Variants in NAV2 observed in about 807,000 individuals in gnomAD.
NAV2 encodes the protein helicase, APC down-regulated 1.
NAV2 carries 54 observed loss-of-function variants against 223.2 expected under a neutral mutation model. That is an observed-to-expected ratio of 0.24 (90% CI 0.19 to 0.30). The LOEUF is 0.30. Ranked by LOEUF, NAV2 falls within the 10% of genes least tolerant of loss-of-function variation. The probability of loss-of-function intolerance (pLI) is 1.00; values close to 1 mark genes in which losing one functional copy is unlikely to be tolerated. For missense variants in NAV2, 2,806 were observed against 3,147.5 expected, an observed-to-expected ratio of 0.89 and a Z score of 2.60; for synonymous variants, 1,279 against 1,239.3, an observed-to-expected ratio of 1.03 and a Z score of -0.67.
intron 26 of NAV2, among the ~76,000 whole-genome samples, chr11:20,087,150 T>A (rs1372345709): frequency 6.6e-6 from 1 of 152,086 alleles, no homozygotes; most frequent in Non-Finnish European, 1.5e-5. Flanking sequence ...GAGGAGAAAC[T>A]GTTGCTGGAG....
intron 8 of NAV2, among the ~76,000 whole-genome samples, chr11:19,945,970 G>T (rs188536860): frequency 4.6e-5 from 7 of 152,330 alleles, no homozygotes; most frequent in Non-Finnish European, 8.8e-5. Context: ...GCTACTGCAA[G>T]CTATGCTTGC....
chr11:19,796,940 T>A (rs762552661), intron 1 of NAV2, among the ~76,000 whole-genome samples: 17 of 152,290 alleles, frequency 1.1e-4, no homozygotes, highest in Middle Eastern at 6.8e-3. Flanking sequence ...ACTTTCCTTC[T>A]TCTCCATCCC....
intron 33 of NAV2, 90 bp downstream of exon 33, chr11:20,103,499 G>A: frequency 1.3e-6 from 2 of 1,532,058 alleles, no homozygotes; most frequent in Non-Finnish European, 1.8e-6. Flanking sequence ...CGGGGCCGTT[G>A]TGGGAGTGAA....
At chr11:20,077,190 C>T (rs1456161460) in intron 22 of NAV2, among the ~76,000 whole-genome samples, 2 of 152,066 alleles carry the variant, frequency 1.3e-5, no homozygotes, top group Non-Finnish European at 2.9e-5. Flanking sequence ...ATCAGAAGTA[C>T]AGTTTGCTTG....
chr11:19,777,417 T>A (rs2152648982), intron 1 of NAV2: 1 of 442,104 alleles, frequency 2.3e-6, no homozygotes, highest in Non-Finnish European at 4.5e-6. Flanking sequence ...TTTTTTTTTT[T>A]TCCCCTCCTC....
At chr11:19,504,560 C>G (rs2043062862) in intron 1 of NAV2, 1 of 152,166 alleles carries the variant, frequency 6.6e-6, no homozygotes, top group Admixed American at 6.5e-5. Context: ...TTCAGAGCAG[C>G]CCAATGTGAA....
intron 1 of NAV2, among the ~76,000 whole-genome samples, chr11:19,704,808 C>T (rs2049609918): frequency 6.6e-6 from 1 of 151,814 alleles, no homozygotes; most frequent in Admixed American, 6.6e-5. Context: ...GTCAGGAGAT[C>T]AAGACCATCC....
chr11:19,763,150 T>C (rs2054909180), intron 1 of NAV2, among the ~76,000 whole-genome samples: 1 of 152,214 alleles, frequency 6.6e-6, no homozygotes, highest in Non-Finnish European at 1.5e-5. Context: ...ATGTATTTGT[T>C]GGAGAAATGA....
intron 1 of NAV2, among the ~76,000 whole-genome samples, chr11:19,762,513 A>G (rs2054839751): frequency 6.6e-6 from 1 of 152,154 alleles, no homozygotes; most frequent in South Asian, 2.1e-4. Flanking sequence ...GGGCCTTTGC[A>G]GAAGCCTTGG....
chr11:20,039,381 A>G (rs1274936218), intron 12 of NAV2, among the ~76,000 whole-genome samples: 63 of 151,996 alleles, frequency 4.1e-4, no homozygotes, highest in Admixed American at 4.1e-3. Context: ...GGTTCCTCAG[A>G]AGTTACTTTC....
chr11:19,741,437 A>G (rs1019668133), intron 1 of NAV2, among the ~76,000 whole-genome samples: 7 of 139,990 alleles, frequency 5.0e-5, no homozygotes, highest in Non-Finnish European at 1.1e-4. Flanking sequence ...TCCCTCCCCC[A>G]CTTCAGGTAA....
chr11:19,752,780 A>G (rs2053934558), intron 1 of NAV2, among the ~76,000 whole-genome samples: 1 of 152,138 alleles, frequency 6.6e-6, no homozygotes, highest in Non-Finnish European at 1.5e-5. Flanking sequence ...TCTCATTGGT[A>G]AGTATTAGAC....
chr11:19,665,293 T>C (rs967491037), intron 1 of NAV2, among the ~76,000 whole-genome samples: 1 of 152,218 alleles, frequency 6.6e-6, no homozygotes, highest in South Asian at 2.1e-4. Context: ...GATCCTCTTT[T>C]ACTCCCACAG....
At chr11:19,453,932 A>G (rs1008547054) in intron 1 of NAV2, among the ~76,000 whole-genome samples, 2 of 151,984 alleles carry the variant, frequency 1.3e-5, no homozygotes. Flanking sequence ...CATTACGATC[A>G]TTTTTCCTTA....
intron 1 of NAV2, among the ~76,000 whole-genome samples, chr11:19,723,866 T>G (rs953934289): frequency 6.6e-6 from 1 of 152,228 alleles, no homozygotes; most frequent in Non-Finnish European, 1.5e-5. Flanking sequence ...TTGATTCTTT[T>G]CAGACCTGGG....
chr11:19,901,505 C>G (rs1322325069), intron 6 of NAV2, among the ~76,000 whole-genome samples: 4 of 152,220 alleles, frequency 2.6e-5, no homozygotes, highest in African/African-American at 9.6e-5. Context: ...CGAGATCACA[C>G]CACTGCACTT....
chr11:19,894,676 A>G (rs1191795529), intron 6 of NAV2, among the ~76,000 whole-genome samples: 2 of 152,212 alleles, frequency 1.3e-5, no homozygotes, highest in Admixed American at 6.5e-5. Flanking sequence ...AAATTCCAGT[A>G]GAGGCAATGC....
At chr11:19,451,298 AAGATATTCCTAG>A (rs1190375797) in intron 1 of NAV2, among the ~76,000 whole-genome samples, 2 of 152,082 alleles carry the variant, frequency 1.3e-5, no homozygotes, top group African/African-American at 2.4e-5. Flanking sequence ...TCATGACTCC[AAGATATTCCTAG>A]AGATTTACTT....
intron 6 of NAV2, among the ~76,000 whole-genome samples, chr11:19,900,317 A>T (rs1268735772): frequency 1.1e-5 from 1 of 94,580 alleles, no homozygotes; most frequent in Admixed American, 1.2e-4. Context: ...GTGTTCAGTT[A>T]TCTCAGGAGA....
Sources: gnomAD v4.1 joint callset for allele counts (sites outside exome capture counted in the v4.1 genomes callset) on GRCh38, gnomAD v4.1.1 for gene constraint, MANE v1.5 for transcripts, NCBI Gene and HGNC (gene_info 2026-07-23, HGNC 2026-07-21) for gene names.